The following CDK5RAP2 variants were observed in gnomAD, a reference collection of about 807,000 sequenced individuals.
CDK5RAP2 encodes CDK5 regulatory subunit-associated protein 2.
CDK5RAP2 carries 147 observed loss-of-function variants against 232.9 expected under a neutral mutation model. The ratio of observed to expected loss-of-function variants is 0.63; its 90% CI spans 0.55 to 0.72. CDK5RAP2 has a LOEUF of 0.72. Ranked by LOEUF, CDK5RAP2 falls within the 30% of genes least tolerant of loss-of-function variation. CDK5RAP2 has a pLI of 0.00. For missense variants in CDK5RAP2, 2,195 were observed against 2,231.5 expected (o/e 0.98, Z 0.33); for synonymous variants, 833 against 833.7 (o/e 1.00, Z 0.01).
At chr9:120,543,838 A>T (rs2041736289) in intron 5 of CDK5RAP2, among the ~76,000 whole-genome samples, 1 of 152,232 alleles carries the variant, frequency 6.6e-6, no homozygotes, top group Admixed American at 6.5e-5. Flanking sequence ...AGCCTGGCAG[A>T]GCAAAACTCT....
intron 5 of CDK5RAP2, among the ~76,000 whole-genome samples, chr9:120,542,959 T>C (rs1351086218): frequency 6.6e-6 from 1 of 151,546 alleles, no homozygotes. Context: ...TGGGAGGAGG[T>C]GAGAGGGGAG....
At chr9:120,449,574 A>C (rs2036375417) in intron 21 of CDK5RAP2, among the ~76,000 whole-genome samples, 1 of 152,192 alleles carries the variant, frequency 6.6e-6, no homozygotes, top group African/African-American at 2.4e-5. Context: ...TTAAGAGGCC[A>C]AATGGGGGTC....
chr9:120,531,616 C>CT (rs11393891), intron 7 of CDK5RAP2, among the ~76,000 whole-genome samples: 4,372 of 148,108 alleles, frequency 0.03, 226 homozygotes, highest in African/African-American at 0.1. Context: ...ATAATTATTA[C>CT]TTTTTTTTTT....
intron 28 of CDK5RAP2, among the ~76,000 whole-genome samples, chr9:120,414,239 G>A (rs2034068507): frequency 6.6e-6 from 1 of 152,194 alleles, no homozygotes; most frequent in Non-Finnish European, 1.5e-5. Context: ...TTAAGACTGG[G>A]AGAAATGAGT....
intron 36 of CDK5RAP2, 59 bp downstream of exon 36, chr9:120,394,453 T>G: frequency 7.4e-6 from 12 of 1,612,502 alleles, no homozygotes; most frequent in Non-Finnish European, 1.0e-5. Flanking sequence ...AGGGCAGAAC[T>G]GGGAGCCCTC....
Position 120,437,570 on chromosome 9 carries a change from T to C in CDK5RAP2, c.3723-43A>G, listed in dbSNP as rs770929747. The C allele has an allele frequency of 1.2e-5, 17 of 1,454,768 alleles. No individual in the cohort carries two copies. In the Admixed American group the frequency reaches 1.3e-4, roughly 11 times the overall value. The allele number at this position is 1,454,768 out of a possible 1,614,324, so 90.1% of individuals were successfully genotyped here. Reference sequence around the variant, plus strand: ...AGAAAATACTTGGACCATTTTAGAATTGAATTTTTGTGACCTTAACACTAA... The same window carrying C: ...AGAAAATACTTGGACCATTTTAGAACTGAATTTTTGTGACCTTAACACTAA... On this transcript the variant is annotated intron_variant, in intron 24 of 37. Transcript: ENST00000349780.
chr9:120,547,404 G>C (rs1163715905), intron 4 of CDK5RAP2, among the ~76,000 whole-genome samples: 2 of 151,352 alleles, frequency 1.3e-5, no homozygotes, highest in African/African-American at 4.8e-5. Context: ...AGGAGTTCGA[G>C]ACCAGCCTGG....
At chr9:120,424,701 C>CTTT (rs779377396) in intron 25 of CDK5RAP2, among the ~76,000 whole-genome samples, 8 of 136,412 alleles carry the variant, frequency 5.9e-5, no homozygotes, top group Non-Finnish European at 9.6e-5. Flanking sequence ...TCTCACAGCT[C>CTTT]TTTTTTTTTT....
chr9:120,442,573 C>T (rs1470681806), intron 23 of CDK5RAP2, among the ~76,000 whole-genome samples: 1 of 152,190 alleles, frequency 6.6e-6, no homozygotes, highest in Non-Finnish European at 1.5e-5. Context: ...GAAGTACTGA[C>T]AGGGAAAGGG....
At chr9:120,470,645 A>T (rs967177720) in intron 16 of CDK5RAP2, among the ~76,000 whole-genome samples, 78 of 143,784 alleles carry the variant, frequency 5.4e-4, no homozygotes, top group African/African-American at 2.0e-3. Flanking sequence ...GTGTCTGATC[A>T]TTTTTTTTTT....
At chr9:120,457,456 G>A (rs559295272) in intron 20 of CDK5RAP2, among the ~76,000 whole-genome samples, 6 of 152,224 alleles carry the variant, frequency 3.9e-5, no homozygotes, top group East Asian at 1.9e-4. Context: ...CAACTACTAC[G>A]GTCACCTAAC....
At position 120,487,262 on chromosome 9, in the gene CDK5RAP2, G is replaced by C. The variant is rs111918806; in HGVS notation, c.1626+32C>G. 2.1e-5 allele frequency: 34 copies of C among 1,611,580 alleles called. No individual in the cohort carries two copies. The South Asian group carries it at 3.5e-4, about 17-fold the overall frequency. ...TTCAAAAAAGTGTATGAATCCATTCGCATGTGAATGTCCAATTTCAGTCAA... is the reference window on the plus strand; with the variant it reads ...TTCAAAAAAGTGTATGAATCCATTCCCATGTGAATGTCCAATTTCAGTCAA... On this transcript the variant is annotated intron_variant, in intron 14 of 37. Coordinates refer to ENST00000349780, the MANE Select transcript of CDK5RAP2 (RefSeq NM_018249.6).
At chr9:120,408,612 G>T in intron 30 of CDK5RAP2, 144 bp from the exon 31 acceptor site, 2 of 906,816 alleles carry the variant, frequency 2.2e-6, no homozygotes, top group Non-Finnish European at 3.5e-6. Flanking sequence ...AATTCCATGT[G>T]CTCTCTAATC....
rs748675436 is a variant in CDK5RAP2, at chr9:120,439,385, G to C, written c.3722+14C>G. The stretch of plus-strand genomic sequence containing the variant: ...TACAGGCTTAAACGGGGAGACGGCA[G>C]AGGTGGAACGTACCTGGGAGGTGAG... On this transcript the variant is annotated intron_variant, in intron 24 of 37. Coordinates refer to ENST00000349780, the MANE Select transcript of CDK5RAP2 (RefSeq NM_018249.6). The C allele has an allele frequency of 7.5e-6, 12 of 1,608,392 alleles. No individual in the cohort carries two copies. The highest frequency in any genetic ancestry group is 5.1e-6 in the Non-Finnish European group (6 of 1,175,180).
intron 35 of CDK5RAP2, among the ~76,000 whole-genome samples, chr9:120,399,881 C>T (rs1169212669): frequency 6.6e-6 from 1 of 152,190 alleles, no homozygotes; most frequent in African/African-American, 2.4e-5. Context: ...CTCATTAGAA[C>T]CTTCAGAGCA....
chr9:120,408,360 G>A lies in CDK5RAP2; in HGVS notation c.4713C>T (p.His1571=). The stretch of plus-strand genomic sequence containing the variant: ...GGGCCTCAGTACCTCTCAGTCTCCT[G>A]TGCTCTTCATCCAGCTTCTCATACG... The part of the protein sequence containing the change: ...LKAYEKLDEE[H]RRLREASGEG... The change falls in exon 31 of 38, where the codon CAC becomes CAT. Residue 1571 remains histidine, a synonymous_variant. Transcript: ENST00000349780. 1 of 1,614,072 alleles carries A rather than the reference G, an allele frequency of 6.2e-7. No homozygotes were observed. The highest frequency in any genetic ancestry group is 2.2e-5 in the East Asian group (1 of 44,874).
chr9:120,441,939 A>T (rs1438491319), intron 23 of CDK5RAP2, among the ~76,000 whole-genome samples: 2 of 152,238 alleles, frequency 1.3e-5, no homozygotes, highest in Admixed American at 6.5e-5. Flanking sequence ...TGAACAAGAA[A>T]GAGAAAGAGG....
intron 1 of CDK5RAP2, 37 bp downstream of exon 1, chr9:120,579,883 G>A (rs775970530): frequency 1.3e-6 from 2 of 1,572,146 alleles, no homozygotes; most frequent in South Asian, 1.1e-5. Flanking sequence ...CTGGAACCCC[G>A]GCCCGGTTAC....
chr9:120,464,376 G>A, intron 18 of CDK5RAP2, among the ~76,000 whole-genome samples: 1 of 152,096 alleles, frequency 6.6e-6, no homozygotes, highest in East Asian at 1.9e-4. Context: ...TGCTTCTCTG[G>A]ATTACATCCT....
Sources: allele counts gnomAD v4.1 joint callset (sites outside exome capture counted in the v4.1 genomes callset), GRCh38; gene constraint gnomAD v4.1.1; transcripts MANE v1.5; gene names NCBI Gene and HGNC (gene_info 2026-07-23, HGNC 2026-07-21).